The following TTBK2 variants were observed in gnomAD, a reference collection of about 807,000 sequenced individuals.
The protein encoded by TTBK2 is tau tubulin kinase 2, also known as tau-tubulin kinase 2.
In TTBK2, 28 loss-of-function variants were observed where a neutral mutation model predicts 110.8. That is an observed-to-expected ratio of 0.25 (90% confidence interval 0.19 to 0.35). TTBK2 has a LOEUF of 0.35. TTBK2 is among the 10% of genes least tolerant of loss of function. The probability of loss-of-function intolerance (pLI) is 1.00; values close to 1 mark genes in which losing one functional copy is unlikely to be tolerated. For missense variants in TTBK2, 1,369 were observed against 1,500.3 expected, an observed-to-expected ratio of 0.91 and a Z score of 1.45; for synonymous variants, 532 against 527.3, an observed-to-expected ratio of 1.01 and a Z score of -0.12.
intron 6 of TTBK2, among the ~76,000 whole-genome samples, chr15:42,818,618 G>A (rs1289498287): frequency 1.3e-5 from 2 of 152,184 alleles, no homozygotes; most frequent in South Asian, 4.1e-4. Flanking sequence ...TACTCGGGAG[G>A]CAGAGGCAGG....
At chr15:42,770,037 G>A (rs561508857) in intron 13 of TTBK2, among the ~76,000 whole-genome samples, 39 of 151,368 alleles carry the variant, frequency 2.6e-4, no homozygotes, top group African/African-American at 9.2e-4. Context: ...TCACTCATAG[G>A]TGGGAATTGA....
intron 4 of TTBK2, among the ~76,000 whole-genome samples, chr15:42,830,408 G>C (rs1432774330): frequency 6.6e-6 from 1 of 151,802 alleles, no homozygotes; most frequent in Non-Finnish European, 1.5e-5. Context: ...GGCTGGTCTC[G>C]AACTCCTGAC....
chr15:42,816,931 T>C lies in TTBK2; in HGVS notation c.603+101A>G, dbSNP rs1205849410. 2.8e-5 allele frequency: 9 copies of C among 324,048 alleles called. No homozygotes were observed. In the South Asian group the frequency reaches 3.1e-4, roughly 11 times the overall value. The allele number at this position is 324,048 out of a possible 1,614,324, so 20.1% of individuals were successfully genotyped here. On this transcript the variant is annotated intron_variant, in intron 7 of 14. Transcript: ENST00000267890. The stretch of plus-strand genomic sequence containing the variant: ...AAGACTCTGTCTCAACAAATATACA[T>C]ATATATATATATATAAAATAATAAT...
rs2140551211 is a variant in TTBK2 at position 42,745,515 on chromosome 15, G to T, written c.*280C>A. The T allele has an allele frequency of 2.2e-6, 1 of 447,890 alleles. No individual in the cohort carries two copies. 27.7% of individuals were successfully genotyped at this position (447,890 alleles called of 1,614,324 possible). A position where few individuals can be genotyped will look rare whatever the true frequency, so the allele number is the denominator to read the frequency against. On this transcript the variant is annotated 3_prime_UTR_variant, in exon 15 of 15. Coordinates refer to ENST00000267890, the MANE Select transcript of TTBK2 (RefSeq NM_173500.4). ...TATCCTCAACTCTTTTGTTTCAAAG[G>T]CAGCTTAAAAAATGAGAGCTCATTT... is the stretch of plus-strand genomic sequence containing the variant.
intron 9 of TTBK2, among the ~76,000 whole-genome samples, chr15:42,799,336 C>T (rs910758572): frequency 6.6e-6 from 1 of 152,118 alleles, no homozygotes; most frequent in Non-Finnish European, 1.5e-5. Flanking sequence ...TGCTGCTGCA[C>T]TCCAGCCTGG....
intron 13 of TTBK2, among the ~76,000 whole-genome samples, chr15:42,761,746 T>C (rs1006549622): frequency 1.3e-5 from 2 of 152,134 alleles, no homozygotes; most frequent in Admixed American, 6.6e-5. Context: ...CAATGAGATA[T>C]TGTATCACCC....
At chr15:42,884,765 G>C (rs1162231230) in intron 1 of TTBK2, among the ~76,000 whole-genome samples, 1 of 152,098 alleles carries the variant, frequency 6.6e-6, no homozygotes, top group African/African-American at 2.4e-5. Context: ...TAAGTGTCAG[G>C]CCTCTGAGCC....
At chr15:42,778,646 C>A (rs903666850) in intron 11 of TTBK2, among the ~76,000 whole-genome samples, 2 of 151,928 alleles carry the variant, frequency 1.3e-5, no homozygotes, top group Admixed American at 1.3e-4. Context: ...CCAGCCTGGG[C>A]AACAGACCAA....
intron 3 of TTBK2, among the ~76,000 whole-genome samples, chr15:42,846,792 C>T (rs1893486258): frequency 6.6e-6 from 1 of 152,120 alleles, no homozygotes; most frequent in Non-Finnish European, 1.5e-5. Flanking sequence ...GAACTTTCAG[C>T]CTCACCCACC....
At chr15:42,768,893 G>T (rs929854320) in intron 13 of TTBK2, among the ~76,000 whole-genome samples, 5 of 152,106 alleles carry the variant, frequency 3.3e-5, no homozygotes, top group African/African-American at 1.2e-4. Flanking sequence ...AAACAGCATG[G>T]TACTGGTACC....
At chr15:42,854,147 A>C (rs1893837571) in intron 3 of TTBK2, among the ~76,000 whole-genome samples, 1 of 152,120 alleles carries the variant, frequency 6.6e-6, no homozygotes, top group East Asian at 1.9e-4. Flanking sequence ...TATGCTGCCC[A>C]GGCCGATCTC....
chr15:42,859,965 G>T (rs548891685), intron 3 of TTBK2, among the ~76,000 whole-genome samples: 1 of 152,060 alleles, frequency 6.6e-6, no homozygotes, highest in Admixed American at 6.6e-5. Context: ...CTTATTAGTA[G>T]ACTGGACACA....
intron 3 of TTBK2, among the ~76,000 whole-genome samples, chr15:42,871,232 G>A (rs1399771394): frequency 6.6e-6 from 1 of 152,152 alleles, no homozygotes; most frequent in Non-Finnish European, 1.5e-5. Flanking sequence ...GGGATGTCAT[G>A]TGGTTATAAG....
At chr15:42,920,865 A>C (rs1392507125), upstream of TTBK2, 1 of 152,736 alleles carries the variant, frequency 6.5e-6, no homozygotes, top group African/African-American at 2.4e-5. Flanking sequence ...GCGCACGCCC[A>C]CCTCTCCGCT....
At chr15:42,875,005 C>T (rs1194017951) in intron 2 of TTBK2, among the ~76,000 whole-genome samples, 1 of 151,526 alleles carries the variant, frequency 6.6e-6, no homozygotes, top group Non-Finnish European at 1.5e-5. Context: ...AAAATTGATA[C>T]TTATGATTCT....
intron 13 of TTBK2, among the ~76,000 whole-genome samples, chr15:42,759,567 G>A (rs116106743): frequency 1.1e-3 from 160 of 152,294 alleles, no homozygotes; most frequent in African/African-American, 3.8e-3. Context: ...CCTGACCTGA[G>A]AAGCAGCCTG....
At chr15:42,831,752 A>G (rs1892769770) in intron 4 of TTBK2, among the ~76,000 whole-genome samples, 1 of 152,218 alleles carries the variant, frequency 6.6e-6, no homozygotes, top group African/African-American at 2.4e-5. Context: ...GTAACAAACC[A>G]GTAATCTGAA....
At position 42,830,039 on chromosome 15, in the gene TTBK2, C is replaced by T. The variant is rs769901308; in HGVS notation, c.331G>A (p.Gly111Ser). The T allele has an allele frequency of 3.7e-6, 6 of 1,614,110 alleles. No homozygotes were observed. The South Asian group carries it at 4.4e-5, about 12-fold the overall frequency. The change falls in exon 5 of 15, where the codon GGC (glycine) becomes AGC (serine). Residue 111 changes from glycine (G) to serine (S), a missense_variant. By Grantham distance (56) the Gly-to-Ser change is moderately conservative. Around this residue, in one of 4 missense-constraint regions of TTBK2, gnomAD observed 122 missense variants for 159.7 expected, o/e 0.76. Transcript: ENST00000267890. ...AGAGTGGTACTAATGGTGAATGTGC[C>T]TCGGGACTGGCTACGGCGAAGATCT... The part of the protein sequence containing the change: ...LADLRRSQSR[G>S]TFTISTTLRL...
chr15:42,901,943 C>T (rs535140465), intron 1 of TTBK2, among the ~76,000 whole-genome samples: 75 of 152,270 alleles, frequency 4.9e-4, no homozygotes, highest in Non-Finnish European at 9.0e-4. Context: ...GGGCCAGGGG[C>T]GGTGGCTCAC....
Sources: allele counts gnomAD v4.1 joint callset (sites outside exome capture counted in the v4.1 genomes callset), GRCh38; gene constraint gnomAD v4.1.1; regional missense constraint gnomAD v4.1.1; transcripts MANE v1.5; gene names NCBI Gene and HGNC (gene_info 2026-07-23, HGNC 2026-07-21).